EML6: variants seen among roughly 807,000 people sequenced by gnomAD.
EML6 encodes echinoderm microtubule-associated protein-like 6.
EML6 carries 154 observed loss-of-function variants against 240.1 expected under a neutral mutation model. The observed-to-expected ratio is 0.64, with a 90% CI of 0.56 to 0.73. EML6 has a LOEUF of 0.73. Ranked by LOEUF, EML6 falls within the 30% of genes least tolerant of loss-of-function variation. The pLI is 0.00. For missense variants in EML6, 2,964 were observed against 2,474.6 expected, an observed-to-expected ratio of 1.20 and a Z score of -4.20; for synonymous variants, 1,148 against 899.0, an observed-to-expected ratio of 1.28 and a Z score of -4.95.
chr2:54,761,224 C>T (rs1234893683), intron 2 of EML6, among the ~76,000 whole-genome samples: 4 of 151,880 alleles, frequency 2.6e-5, no homozygotes, highest in South Asian at 2.1e-4. Flanking sequence ...GTTTGTGGAA[C>T]GGACTTGTTT....
At chr2:54,771,052 C>T (rs1017728784) in intron 2 of EML6, among the ~76,000 whole-genome samples, 6 of 152,122 alleles carry the variant, frequency 3.9e-5, no homozygotes, top group African/African-American at 1.4e-4. Flanking sequence ...TGTTACAGGC[C>T]TGGATGACAA....
rs752524401 is a variant in EML6 at position 54,745,320 on chromosome 2, T to C, written c.197+20062T>C. ...ACTGCAGGTCTGATCTTCAGGAAGGTGGTTGGATGGAGATCCAGATGGGAT... is the reference window on the plus strand; with the variant it reads ...ACTGCAGGTCTGATCTTCAGGAAGGCGGTTGGATGGAGATCCAGATGGGAT... On this transcript the variant is annotated intron_variant, in intron 2 of 41. Transcript: ENST00000356458. 1.1e-3 allele frequency among the ~76,000 whole-genome samples: 166 copies of C among 152,072 alleles called. No homozygotes were observed. In the Middle Eastern group the frequency reaches 0.014, roughly 12 times the overall value.
Position 54,827,672 on chromosome 2 carries a change from C to T in EML6, c.632C>T (p.Thr211Ile). The T allele has an allele frequency of 6.4e-7, 1 of 1,551,612 alleles. No homozygotes were observed. Among genetic ancestry groups the T allele is most frequent in the Non-Finnish European group, 8.7e-7 (1 of 1,146,910 alleles). ...LCLACAKEDI[T>I]YSGALNGDIY... is the part of the protein sequence containing the mutation. ...CTTGCATGTGCCAAAGAAGACATCA[C>T]CTACTCTGGTGCTTTAAATGGTGAC... Residue 211 changes from threonine (T) to isoleucine (I), a missense_variant, in exon 6 of 42, where the codon ACC (threonine) becomes ATC (isoleucine). By Grantham distance (89) the Thr-to-Ile change is moderately conservative (BLOSUM62 -1). Coordinates refer to ENST00000356458, the MANE Select transcript of EML6 (RefSeq NM_001039753.4).
chr2:54,947,611 G>T (rs1003388164), intron 28 of EML6, among the ~76,000 whole-genome samples: 3 of 152,126 alleles, frequency 2.0e-5, no homozygotes, highest in African/African-American at 7.2e-5. Context: ...AGTATCCATT[G>T]TACATAACTC....
At chr2:54,867,792 A>G (rs1161997548) in intron 14 of EML6, 1 of 152,218 alleles carries the variant, frequency 6.6e-6, no homozygotes, top group Non-Finnish European at 1.5e-5. Context: ...TAAAACAGGA[A>G]GCTATTTTAC....
chr2:54,829,362 T>C lies in EML6; in HGVS notation c.732T>C (p.Tyr244=), dbSNP rs201528559. ...AACAGGCTGGAATCTTTAGCATGTATGCTTGTGAAGAAGGCTTTGCCACTG... is the reference window on the plus strand; with the variant it reads ...AACAGGCTGGAATCTTTAGCATGTACGCTTGTGAAGAAGGCTTTGCCACTG... The part of the protein sequence containing the change: ...GAHSAGIFSM[Y]ACEEGFATGG... Residue 244 remains tyrosine (Y), a synonymous_variant, in exon 7 of 42, where the codon TAT becomes TAC. Transcript: ENST00000356458. The C allele has an allele frequency of 1.9e-5, 30 of 1,551,748 alleles. No individual in the cohort carries two copies. The highest frequency in any genetic ancestry group is 2.4e-5 in the Non-Finnish European group (28 of 1,147,000).
At chr2:54,786,491 A>G (rs1255169074) in intron 2 of EML6, among the ~76,000 whole-genome samples, 1 of 152,184 alleles carries the variant, frequency 6.6e-6, no homozygotes, top group Admixed American at 6.5e-5. Flanking sequence ...CCCCTGCTCA[A>G]GTGCTGCTAC....
chr2:54,854,661 A>G (rs1195482721), intron 11 of EML6, among the ~76,000 whole-genome samples: 2 of 152,262 alleles, frequency 1.3e-5, no homozygotes, highest in African/African-American at 4.8e-5. Context: ...GCAATCAGAA[A>G]GTCATTTTCA....
Position 54,847,630 on chromosome 2 carries a change from A to G in EML6, c.1187+7A>G. 4 of 1,551,854 alleles carry G rather than the reference A, an allele frequency of 2.6e-6. No homozygotes were observed. Among genetic ancestry groups the G allele is most frequent in the African/African-American group, 1.4e-5 (1 of 73,142 alleles). ...TCATTGTTCTCCGAGTCAGGCACGT[A>G]CTGATGTTGAAAATGGTATTTAGAA... On this transcript the variant is annotated splice_region_variant and intron_variant, in intron 9 of 41. Transcript: ENST00000356458.
chr2:54,785,736 CAT>C (rs1245913425), intron 2 of EML6, among the ~76,000 whole-genome samples: 2 of 151,934 alleles, frequency 1.3e-5, no homozygotes, highest in Non-Finnish European at 2.9e-5. Context: ...CCAGTGTTTA[CAT>C]ATACTTTTTG....
intron 2 of EML6, among the ~76,000 whole-genome samples, chr2:54,800,041 T>C (rs1271076785): frequency 6.6e-6 from 1 of 151,970 alleles, no homozygotes; most frequent in East Asian, 1.9e-4. Context: ...GGTCAGGAGA[T>C]TGAGACCATC....
At chr2:54,897,373 G>C (rs1476965271) in intron 21 of EML6, among the ~76,000 whole-genome samples, 1 of 152,166 alleles carries the variant, frequency 6.6e-6, no homozygotes, top group African/African-American at 2.4e-5. Flanking sequence ...CATATATTGA[G>C]CACCTACTCT....
At chr2:54,897,309 A>T (rs974698316) in intron 21 of EML6, among the ~76,000 whole-genome samples, 1 of 152,190 alleles carries the variant, frequency 6.6e-6, no homozygotes. Flanking sequence ...CTACAATTCT[A>T]TTCTTTCCTA....
intron 19 of EML6, among the ~76,000 whole-genome samples, chr2:54,893,415 C>T (rs1286557785): frequency 5.3e-5 from 8 of 151,968 alleles, no homozygotes; most frequent in African/African-American, 9.7e-5. Flanking sequence ...TGGGAGGGTC[C>T]GAAATCATCC....
intron 2 of EML6, among the ~76,000 whole-genome samples, chr2:54,780,994 G>A (rs143514123): frequency 2.0e-5 from 3 of 152,282 alleles, no homozygotes; most frequent in Non-Finnish European, 2.9e-5. Flanking sequence ...ATGTAAAAAC[G>A]TGAAAGGTAA....
At chr2:54,841,931 A>G (rs1404150552) in intron 7 of EML6, among the ~76,000 whole-genome samples, 3 of 151,854 alleles carry the variant, frequency 2.0e-5, no homozygotes, top group Non-Finnish European at 4.4e-5. Context: ...AGGACAGTTT[A>G]GGTTCAGAAC....
Position 54,970,175 on chromosome 2 carries a change from C to T in EML6, c.*80C>T, listed in dbSNP as rs1230805338. 7.1e-7 allele frequency: 1 copy of T among 1,413,996 alleles called. No homozygotes were observed. Among genetic ancestry groups the T allele is most frequent in the African/African-American group, 1.4e-5 (1 of 70,272 alleles). 87.6% of individuals were successfully genotyped at this position (1,413,996 alleles called of 1,614,324 possible). A position where few individuals can be genotyped will look rare whatever the true frequency, so the allele number is the denominator to read the frequency against. On this transcript the variant is annotated 3_prime_UTR_variant, in exon 42 of 42. Coordinates refer to ENST00000356458, the MANE Select transcript of EML6 (RefSeq NM_001039753.4). ...GAGGCCATGCTGAGGTGCCTCCTTGCCACCAGCCGTTGGGAAATGCCTACC... is the reference window on the plus strand; with the variant it reads ...GAGGCCATGCTGAGGTGCCTCCTTGTCACCAGCCGTTGGGAAATGCCTACC...
chr2:54,942,979 CTCT>C (rs561668497), intron 28 of EML6, among the ~76,000 whole-genome samples: 1 of 152,172 alleles, frequency 6.6e-6, no homozygotes, highest in Non-Finnish European at 1.5e-5. Flanking sequence ...TGCCTCTCCA[CTCT>C]TCTTATAGGA....
chr2:54,766,033 A>G (rs2103781235), intron 2 of EML6, among the ~76,000 whole-genome samples: 1 of 151,834 alleles, frequency 6.6e-6, no homozygotes, highest in Non-Finnish European at 1.5e-5. Context: ...TCCTCCTCTC[A>G]CACTTTCCTT....
Sources: allele counts gnomAD v4.1 joint callset (sites outside exome capture counted in the v4.1 genomes callset), GRCh38; gene constraint gnomAD v4.1.1; transcripts MANE v1.5; gene names NCBI Gene and HGNC (gene_info 2026-07-23, HGNC 2026-07-21).